The following EPHA6 variants were observed in gnomAD, a reference collection of about 807,000 sequenced individuals.
EPHA6 encodes the protein ephrin type-A receptor 6.
Under a neutral mutation model 112.0 loss-of-function variants are expected in EPHA6, and 50 were observed. The ratio of observed to expected loss-of-function variants is 0.45; its 90% CI spans 0.36 to 0.56. EPHA6 has a LOEUF of 0.56. Among genes scored for constraint, EPHA6 ranks in the 20% least tolerant of loss-of-function variants. EPHA6 has a pLI of 0.00. For synonymous variants in EPHA6, 529 were observed against 490.7 expected (o/e 1.08, Z -1.03); for missense variants, 1,280 against 1,417.4 (o/e 0.90, Z 1.56).
chr3:97,564,472 C>G (rs911503467), intron 11 of EPHA6, among the ~76,000 whole-genome samples: 27 of 151,880 alleles, frequency 1.8e-4, no homozygotes, highest in African/African-American at 6.5e-4. Context: ...TTATTTTTTT[C>G]TCACAATCAA....
chr3:97,580,439 G>A (rs903262259), intron 11 of EPHA6, among the ~76,000 whole-genome samples: 9 of 152,098 alleles, frequency 5.9e-5, no homozygotes, highest in African/African-American at 1.7e-4. Flanking sequence ...CATTAGGAGG[G>A]GCATTTTCAA....
intron 3 of EPHA6, among the ~76,000 whole-genome samples, chr3:96,997,643 A>G (rs1049425764): frequency 6.6e-6 from 1 of 152,020 alleles, no homozygotes; most frequent in Non-Finnish European, 1.5e-5. Context: ...AAAATAGGGT[A>G]GGGACATTGA....
At chr3:97,364,620 G>A (rs2084607510) in intron 5 of EPHA6, among the ~76,000 whole-genome samples, 1 of 151,882 alleles carries the variant, frequency 6.6e-6, no homozygotes, top group Admixed American at 6.6e-5. Flanking sequence ...CAACTCTGGA[G>A]ACTTGAATTT....
At chr3:97,227,033 G>A (rs2078377596) in intron 4 of EPHA6, among the ~76,000 whole-genome samples, 1 of 151,868 alleles carries the variant, frequency 6.6e-6, no homozygotes, top group African/African-American at 2.4e-5. Flanking sequence ...TAAATGAATT[G>A]TATTCTTCTA....
chr3:97,404,130 A>G (rs1285040619), intron 5 of EPHA6, among the ~76,000 whole-genome samples: 1 of 152,204 alleles, frequency 6.6e-6, no homozygotes, highest in Non-Finnish European at 1.5e-5. Flanking sequence ...GGTATTGTAA[A>G]TATGTCACTT....
chr3:97,640,494 G>A (rs1330516347), intron 14 of EPHA6, among the ~76,000 whole-genome samples: 14 of 152,252 alleles, frequency 9.2e-5, no homozygotes, highest in South Asian at 2.1e-4. Flanking sequence ...GGCCGGGCAC[G>A]GTGGCTCGCG....
At chr3:96,852,135 T>A (rs1222038514) in intron 1 of EPHA6, among the ~76,000 whole-genome samples, 1 of 151,704 alleles carries the variant, frequency 6.6e-6, no homozygotes, top group Non-Finnish European at 1.5e-5. Flanking sequence ...GCAACTGGAG[T>A]TTTAAATTTC....
intron 5 of EPHA6, among the ~76,000 whole-genome samples, chr3:97,266,184 T>C (rs72924465): frequency 0.025 from 3,857 of 152,284 alleles, 163 homozygotes; most frequent in African/African-American, 0.081. Context: ...TAAAATAATG[T>C]GAGGCATTGT....
chr3:96,828,619 G>T (rs1207886255), intron 1 of EPHA6, among the ~76,000 whole-genome samples: 3 of 152,022 alleles, frequency 2.0e-5, no homozygotes, highest in African/African-American at 7.2e-5. Flanking sequence ...TCAGATATTC[G>T]ACCATGGTTT....
intron 3 of EPHA6, among the ~76,000 whole-genome samples, chr3:97,116,741 A>G (rs537086701): frequency 1.7e-4 from 26 of 151,534 alleles, no homozygotes; most frequent in Non-Finnish European, 2.8e-4. Flanking sequence ...TCTGTCAGTG[A>G]ACACTTGGGT....
chr3:97,270,272 C>T (rs966084843), intron 5 of EPHA6, among the ~76,000 whole-genome samples: 5 of 152,128 alleles, frequency 3.3e-5, no homozygotes, highest in African/African-American at 1.2e-4. Context: ...CCCTAACACA[C>T]TTTCTACTTT....
At chr3:97,375,128 A>G (rs1260409001) in intron 5 of EPHA6, among the ~76,000 whole-genome samples, 2 of 152,100 alleles carry the variant, frequency 1.3e-5, no homozygotes, top group Non-Finnish European at 2.9e-5. Context: ...CCCAGCACAA[A>G]ACCTGCCAGC....
intron 3 of EPHA6, among the ~76,000 whole-genome samples, chr3:97,225,207 G>C (rs1267964259): frequency 1.3e-5 from 2 of 152,058 alleles, no homozygotes. Flanking sequence ...AGCCCGCCTC[G>C]GCCTCCCAAA....
At chr3:97,417,893 C>A (rs1228498492) in intron 6 of EPHA6, among the ~76,000 whole-genome samples, 1 of 151,936 alleles carries the variant, frequency 6.6e-6, no homozygotes, top group African/African-American at 2.4e-5. Flanking sequence ...GACTCAGACA[C>A]CACAGATTAT....
intron 3 of EPHA6, among the ~76,000 whole-genome samples, chr3:97,000,055 A>C (rs2107897989): frequency 6.6e-6 from 1 of 151,994 alleles, no homozygotes; most frequent in African/African-American, 2.4e-5. Flanking sequence ...AGTAGCAACC[A>C]AGACAAAGAA....
At chr3:96,848,385 G>T (rs1300606366) in intron 1 of EPHA6, among the ~76,000 whole-genome samples, 1 of 152,024 alleles carries the variant, frequency 6.6e-6, no homozygotes, top group African/African-American at 2.4e-5. Context: ...CTAGCACTTT[G>T]GGAGGCTGAG....
chr3:97,706,106 G>C (rs192087467), intron 14 of EPHA6, among the ~76,000 whole-genome samples: 2 of 152,304 alleles, frequency 1.3e-5, no homozygotes, highest in African/African-American at 2.4e-5. Context: ...AGTAAAATTA[G>C]ACCTTTCAAC....
chr3:96,861,698 A>G (rs1464729861), intron 1 of EPHA6, among the ~76,000 whole-genome samples: 1 of 152,038 alleles, frequency 6.6e-6, no homozygotes, highest in Non-Finnish European at 1.5e-5. Context: ...CTCTATGTTA[A>G]AAACATGGAA....
At chr3:96,820,734 G>A (rs1559748001) in intron 1 of EPHA6, among the ~76,000 whole-genome samples, 1 of 151,984 alleles carries the variant, frequency 6.6e-6, no homozygotes, top group Admixed American at 6.6e-5. Context: ...TTGTACATAA[G>A]GTAAACTCAT....
Sources: allele counts gnomAD v4.1 joint callset (sites outside exome capture counted in the v4.1 genomes callset), GRCh38; gene constraint gnomAD v4.1.1; transcripts MANE v1.5; gene names NCBI Gene and HGNC (gene_info 2026-07-23, HGNC 2026-07-21).